CTNNA2: variants seen among roughly 807,000 people sequenced by gnomAD.
CTNNA2 encodes catenin alpha 2.
A neutral mutation model predicts 101.0 loss-of-function variants in CTNNA2; 42 were observed. The observed-to-expected ratio is 0.42, with a 90% CI of 0.32 to 0.54. CTNNA2 has a LOEUF of 0.54. Among genes scored for constraint, CTNNA2 ranks in the 20% least tolerant of loss-of-function variants. CTNNA2 has a pLI of 0.14. For missense variants in CTNNA2, 871 were observed against 1,223.1 expected (o/e 0.71, Z 4.29); for synonymous variants, 450 against 456.4 (o/e 0.99, Z 0.18).
chr2:80,268,440 G>C (rs1310922793), intron 7 of CTNNA2, among the ~76,000 whole-genome samples: 3 of 152,284 alleles, frequency 2.0e-5, no homozygotes, highest in East Asian at 3.9e-4. Flanking sequence ...CAAGTTCACA[G>C]ACCATATTCT....
intron 7 of CTNNA2, among the ~76,000 whole-genome samples, chr2:80,084,593 C>T (rs1334111959): frequency 6.6e-6 from 1 of 152,054 alleles, no homozygotes. Context: ...ATATTGCTTA[C>T]TGACTTGATT....
intron 7 of CTNNA2, among the ~76,000 whole-genome samples, chr2:80,217,693 C>A (rs1375893113): frequency 6.6e-6 from 1 of 152,130 alleles, no homozygotes; most frequent in African/African-American, 2.4e-5. Context: ...TTTATAAAAA[C>A]TGTGTAATGA....
chr2:79,985,102 G>A (rs76372962), intron 7 of CTNNA2, among the ~76,000 whole-genome samples: 2,653 of 152,232 alleles, frequency 0.017, 93 homozygotes, highest in African/African-American at 0.06. Flanking sequence ...CTGCATGATT[G>A]GGTTCAAACC....
chr2:80,594,713 C>A (rs1696796820), intron 15 of CTNNA2, among the ~76,000 whole-genome samples: 1 of 151,982 alleles, frequency 6.6e-6, no homozygotes, highest in Non-Finnish European at 1.5e-5. Context: ...GCTGCTTTTG[C>A]ATGTAGATAA....
At chr2:80,093,477 G>T (rs140215699) in intron 7 of CTNNA2, among the ~76,000 whole-genome samples, 4,690 of 152,232 alleles carry the variant, frequency 0.031, 223 homozygotes, top group African/African-American at 0.11. Flanking sequence ...GTGTGTATGT[G>T]TCTTTATAGC....
intron 9 of CTNNA2, among the ~76,000 whole-genome samples, chr2:80,508,443 C>T (rs1688443490): frequency 6.6e-6 from 1 of 152,156 alleles, no homozygotes; most frequent in African/African-American, 2.4e-5. Context: ...CCAGATCTCA[C>T]ATTGTACTCC....
chr2:79,833,026 A>T (rs1020851827), intron 3 of CTNNA2, among the ~76,000 whole-genome samples: 5 of 152,250 alleles, frequency 3.3e-5, no homozygotes, highest in Non-Finnish European at 7.3e-5. Context: ...AAATTTGTAA[A>T]CATAGTGATA....
intron 9 of CTNNA2, among the ~76,000 whole-genome samples, chr2:80,506,465 G>A (rs1468750290): frequency 6.6e-6 from 1 of 152,090 alleles, no homozygotes; most frequent in Non-Finnish European, 1.5e-5. Flanking sequence ...GGGAGGTCAG[G>A]TCAAAGAGGG....
intron 7 of CTNNA2, among the ~76,000 whole-genome samples, chr2:80,020,044 G>T (rs1255235391): frequency 6.6e-6 from 1 of 152,126 alleles, no homozygotes; most frequent in African/African-American, 2.4e-5. Flanking sequence ...TAGAGGCACT[G>T]CTCTCCATGC....
rs1242970545 is a variant in CTNNA2, at chr2:80,416,045, G to A, written c.1138-3404G>A. On this transcript the variant is annotated intron_variant, in intron 8 of 18. Transcript: ENST00000402739. Reference sequence around the variant, plus strand: ...CAAAAAGTAAGCCAGTGGTTGCTAGGGGCTGGAGGTGGGGGTGGTGAAACG... The same window carrying A: ...CAAAAAGTAAGCCAGTGGTTGCTAGAGGCTGGAGGTGGGGGTGGTGAAACG... 3.9e-5 allele frequency among the ~76,000 whole-genome samples: 6 copies of A among 152,042 alleles called. No individual in the cohort carries two copies. The East Asian group carries it at 1.2e-3, about 29-fold the overall frequency.
chr2:80,239,674 G>A (rs944204630), intron 7 of CTNNA2, among the ~76,000 whole-genome samples: 2 of 152,092 alleles, frequency 1.3e-5, no homozygotes, highest in Non-Finnish European at 2.9e-5. Context: ...CACTTTGGGA[G>A]GCTGAGGTGG....
intron 2 of CTNNA2, among the ~76,000 whole-genome samples, chr2:79,702,993 T>C (rs907725762): frequency 1.1e-4 from 16 of 152,190 alleles, no homozygotes; most frequent in African/African-American, 3.9e-4. Context: ...TATTTGTTGT[T>C]ACCCTTAGAG....
chr2:79,766,516 G>C (rs12611779), intron 3 of CTNNA2, among the ~76,000 whole-genome samples: 24,843 of 151,938 alleles, frequency 0.16, 2,502 homozygotes, highest in East Asian at 0.46. Context: ...AGTTTTCTTT[G>C]GGTTAAATCT....
intron 2 of CTNNA2, among the ~76,000 whole-genome samples, chr2:79,220,683 T>C (rs1674330612): frequency 1.3e-5 from 2 of 152,170 alleles, no homozygotes; most frequent in African/African-American, 4.8e-5. Flanking sequence ...CCAGATTGTC[T>C]AGGGAAAAAT....
At chr2:80,159,053 G>A (rs1704151337) in intron 7 of CTNNA2, among the ~76,000 whole-genome samples, 1 of 152,148 alleles carries the variant, frequency 6.6e-6, no homozygotes, top group Non-Finnish European at 1.5e-5. Flanking sequence ...AGGACATGTG[G>A]GTTGTTTCCA....
At chr2:79,488,529 C>A (rs1671179863) in intron 4 of CTNNA2, among the ~76,000 whole-genome samples, 1 of 152,066 alleles carries the variant, frequency 6.6e-6, no homozygotes, top group East Asian at 1.9e-4. Context: ...GCATAAACTA[C>A]CAAAATCAAC....
At chr2:80,248,220 C>G (rs1671484791) in intron 7 of CTNNA2, among the ~76,000 whole-genome samples, 1 of 152,082 alleles carries the variant, frequency 6.6e-6, no homozygotes, top group Non-Finnish European at 1.5e-5. Context: ...AGAGGTTCAT[C>G]CTTCAGTCGG....
At position 80,624,774 on chromosome 2, in the gene CTNNA2, GA is replaced by G. The variant is rs1228571442; in HGVS notation, c.2574+5548del. 3.3e-5 allele frequency among the ~76,000 whole-genome samples: 5 copies of G among 151,954 alleles called. No homozygotes were observed. In the East Asian group the frequency reaches 9.7e-4, roughly 30 times the overall value. On this transcript the variant is annotated intron_variant, in intron 18 of 18. Coordinates refer to ENST00000402739, the MANE Select transcript of CTNNA2 (RefSeq NM_001282597.3). ...TGGGTATAGATACTGTCACTTTCTA[GA>G]ATCAGTTGACTGGTAGGAGGCAGTG...
intron 7 of CTNNA2, among the ~76,000 whole-genome samples, chr2:80,008,195 T>C (rs1356803408): frequency 6.6e-6 from 1 of 152,196 alleles, no homozygotes; most frequent in Admixed American, 6.5e-5. Context: ...AAACAAAGCT[T>C]ATGTACTTTT....
Sources: allele counts gnomAD v4.1 joint callset (sites outside exome capture counted in the v4.1 genomes callset), GRCh38; gene constraint gnomAD v4.1.1; transcripts MANE v1.5; gene names NCBI Gene and HGNC (gene_info 2026-07-23, HGNC 2026-07-21).